Variants in TACC2 observed in about 807,000 individuals in gnomAD.
TACC2 encodes transforming acidic coiled-coil-containing protein 2.
Under a neutral mutation model 227.3 loss-of-function variants are expected in TACC2, and 137 were observed. That is an observed-to-expected ratio of 0.60 (90% CI 0.52 to 0.69). The LOEUF (loss-of-function observed/expected upper bound fraction) is 0.69. Ranked by LOEUF, TACC2 falls within the 30% of genes least tolerant of loss-of-function variation. The probability of loss-of-function intolerance (pLI) is 0.00; values close to 1 mark genes in which losing one functional copy is unlikely to be tolerated. For synonymous variants in TACC2, 1,523 were observed against 1,487.5 expected (o/e 1.02, Z -0.55); for missense variants, 3,470 against 3,694.4 (o/e 0.94, Z 1.57).
At chr10:122,149,531 T>G (rs2091805502) in intron 7 of TACC2, among the ~76,000 whole-genome samples, 1 of 151,970 alleles carries the variant, frequency 6.6e-6, no homozygotes, top group African/African-American at 2.4e-5. Context: ...TGCCCCAAAT[T>G]GCTCCCTTCC....
intron 2 of TACC2, chr10:122,033,117 C>T (rs536431472): frequency 1.6e-5 from 21 of 1,289,400 alleles, no homozygotes; most frequent in African/African-American, 4.5e-5. Context: ...TCTTGCATAA[C>T]GTCATTCTGT....
At chr10:122,253,918 CA>C in intron 22 of TACC2, 72 bp from the exon 23 acceptor site, 1 of 1,353,296 alleles carries the variant, frequency 7.4e-7, no homozygotes, top group Admixed American at 1.7e-5. Flanking sequence ...CCCATCTCCC[CA>C]AAAAGCCCCA....
At position 122,170,393 on chromosome 10, in the gene TACC2, C is replaced by T. The variant is rs548126010; in HGVS notation, c.5835-24647C>T. Among the ~76,000 whole-genome samples the T allele has an allele frequency of 2.0e-3, 298 of 151,694 alleles. 2 individuals carry two copies. In the Middle Eastern group the frequency reaches 0.02, roughly 10 times the overall value. ...TCAAGCGATTCTCCTGCCTCAGCCT[C>T]CCAAGTAGCTGGAAATACAGGTGCA... On this transcript the variant is annotated intron_variant, in intron 7 of 22. Transcript: ENST00000369005.
chr10:122,232,317 A>G (rs922987205), intron 16 of TACC2, among the ~76,000 whole-genome samples: 1 of 152,074 alleles, frequency 6.6e-6, no homozygotes. Context: ...GGTGGAATTG[A>G]GCATGTTTGG....
chr10:122,013,486 C>T (rs12249581), intron 1 of TACC2, among the ~76,000 whole-genome samples: 22,234 of 152,232 alleles, frequency 0.15, 1,986 homozygotes, highest in Admixed American at 0.23. Context: ...GCACTGAATT[C>T]AGTCACTGGA....
At position 122,190,588 on chromosome 10, in the gene TACC2, T is replaced by C. The variant is rs188663838; in HGVS notation, c.5835-4452T>C. Reference sequence around the variant, plus strand: ...GTGCTATTGGATACCATTAGCACATTGATTGCCTGGTACGGATAGATTAAT... The same window carrying C: ...GTGCTATTGGATACCATTAGCACATCGATTGCCTGGTACGGATAGATTAAT... On this transcript the variant is annotated intron_variant, in intron 7 of 22. Coordinates refer to ENST00000369005, the MANE Select transcript of TACC2 (RefSeq NM_206862.4). Among the ~76,000 whole-genome samples, 434 of 152,260 alleles carry C rather than the reference T, an allele frequency of 2.9e-3. 2 individuals are homozygous for C. Among genetic ancestry groups the C allele is most frequent in the African/African-American group, 0.01 (430 of 41,554 alleles).
intron 7 of TACC2, among the ~76,000 whole-genome samples, chr10:122,164,685 C>G (rs1296430946): frequency 6.6e-6 from 1 of 152,146 alleles, no homozygotes; most frequent in African/African-American, 2.4e-5. Flanking sequence ...GTCTCCATTA[C>G]CTACCCAGGC....
At chr10:122,028,052 CTTTTCTTT>C (rs1292292702) in intron 2 of TACC2, among the ~76,000 whole-genome samples, 1 of 112,576 alleles carries the variant, frequency 8.9e-6, no homozygotes, top group Non-Finnish European at 1.9e-5. Context: ...CCATTGTTTT[CTTTTCTTT>C]TTTTCTTTTT....
chr10:122,065,719 A>G (rs552814853), intron 3 of TACC2, among the ~76,000 whole-genome samples: 3 of 152,320 alleles, frequency 2.0e-5, no homozygotes, highest in East Asian at 1.9e-4. Flanking sequence ...ATACCAGACT[A>G]TAATTGTGGA....
chr10:122,022,045 A>G, intron 2 of TACC2, 31 bp downstream of exon 2: 2 of 1,613,356 alleles, frequency 1.2e-6, no homozygotes, highest in Non-Finnish European at 1.7e-6. Context: ...CTCTCGAGCT[A>G]CGTGGTGCTC....
rs757642911 is a variant in TACC2 at position 122,083,692 on chromosome 10, G to A, written c.1192G>A (p.Glu398Lys). Reference sequence around the variant, plus strand: ...CTGTGTGGCAGCAGGCGGCCAGCCCGAAGGGGGTTTGCCTGTGAGCCCTGA... The same window carrying A: ...CTGTGTGGCAGCAGGCGGCCAGCCCAAAGGGGGTTTGCCTGTGAGCCCTGA... ...VVCVAAGGQP[E>K]GGLPVSPEPS... The change falls in exon 4 of 23, where the codon GAA (glutamate) becomes AAA (lysine). Residue 398 changes from glutamate (E) to lysine (K), a missense_variant. Glu to Lys is a moderately conservative substitution (Grantham distance 56). Transcript: ENST00000369005. 8.6e-5 allele frequency: 139 copies of A among 1,612,900 alleles called. No homozygotes were observed. The highest frequency in any genetic ancestry group is 1.1e-4 in the Non-Finnish European group (134 of 1,180,052).
chr10:121,999,693 G>A (rs1162653006), intron 1 of TACC2, among the ~76,000 whole-genome samples: 1 of 152,182 alleles, frequency 6.6e-6, no homozygotes, highest in Non-Finnish European at 1.5e-5. Flanking sequence ...AGAGAGACTT[G>A]GGTTGACATG....
intron 7 of TACC2, among the ~76,000 whole-genome samples, chr10:122,178,239 CTTT>C (rs61083559): frequency 2.9e-5 from 4 of 136,462 alleles, no homozygotes; most frequent in Admixed American, 7.4e-5. Context: ...TTCTTTCTTT[CTTT>C]TTTTTTTTTT....
At chr10:122,063,482 C>T (rs1192205922) in intron 3 of TACC2, among the ~76,000 whole-genome samples, 1 of 152,186 alleles carries the variant, frequency 6.6e-6, no homozygotes, top group African/African-American at 2.4e-5. Context: ...AGATCATGTG[C>T]TGAATTAGGT....
At chr10:122,073,489 G>A (rs888585926) in intron 3 of TACC2, among the ~76,000 whole-genome samples, 5 of 152,250 alleles carry the variant, frequency 3.3e-5, no homozygotes, top group African/African-American at 7.2e-5. Flanking sequence ...TATCCATGTC[G>A]TCCTCTCAAG....
At chr10:122,066,273 ATTTTTTT>A (rs71482682) in intron 3 of TACC2, among the ~76,000 whole-genome samples, 4 of 132,036 alleles carry the variant, frequency 3.0e-5, no homozygotes, top group Non-Finnish European at 6.5e-5. Flanking sequence ...ATGCCCAGCT[ATTTTTTT>A]TTTTTTTTTT....
At chr10:122,172,566 C>A (rs539359814) in intron 7 of TACC2, among the ~76,000 whole-genome samples, 72 of 152,318 alleles carry the variant, frequency 4.7e-4, no homozygotes, top group African/African-American at 1.4e-3. Flanking sequence ...TATTTTCCCT[C>A]CAGGAAGAAG....
chr10:122,088,096 C>A, intron 4 of TACC2, 137 bp downstream of exon 4: 1 of 923,806 alleles, frequency 1.1e-6, no homozygotes, highest in Non-Finnish European at 1.5e-6. Context: ...GCTAAATGAA[C>A]CTGCTTACCC....
chr10:122,082,517 A>T, intron 3 of TACC2, 130 bp from the exon 4 acceptor site: 2 of 955,212 alleles, frequency 2.1e-6, no homozygotes, highest in Non-Finnish European at 3.1e-6. Flanking sequence ...AATGAGCTGC[A>T]TGAGGATGCT....
Sources: allele counts gnomAD v4.1 joint callset (sites outside exome capture counted in the v4.1 genomes callset), GRCh38; gene constraint gnomAD v4.1.1; transcripts MANE v1.5; gene names NCBI Gene and HGNC (gene_info 2026-07-23, HGNC 2026-07-21).